DPY19L1: variants seen among roughly 807,000 people sequenced by gnomAD.
DPY19L1 encodes the protein dpy-19 like C-mannosyltransferase 1, also known as protein C-mannosyl-transferase DPY19L1.
DPY19L1 carries 35 observed loss-of-function variants against 96.9 expected under a neutral mutation model. The observed-to-expected ratio is 0.36, with a 90% CI of 0.28 to 0.48. The LOEUF is 0.48. DPY19L1 is among the 20% of genes least tolerant of loss of function. The probability of loss-of-function intolerance (pLI) is 0.99; values close to 1 mark genes in which losing one functional copy is unlikely to be tolerated. For synonymous variants in DPY19L1, 205 were observed against 252.6 expected, an observed-to-expected ratio of 0.81 and a Z score of 1.79; for missense variants, 521 against 777.9, an observed-to-expected ratio of 0.67 and a Z score of 3.93.
intron 10 of DPY19L1, among the ~76,000 whole-genome samples, chr7:34,965,092 G>C (rs1161890675): frequency 6.6e-6 from 1 of 152,128 alleles, no homozygotes; most frequent in Non-Finnish European, 1.5e-5. Context: ...TATTTATAAA[G>C]TTGAACATGT....
intron 6 of DPY19L1, among the ~76,000 whole-genome samples, chr7:35,003,729 T>C (rs1409393037): frequency 3.3e-5 from 5 of 152,194 alleles, no homozygotes; most frequent in African/African-American, 1.2e-4. Context: ...TGAAAACCTA[T>C]ATGGGATTTC....
chr7:34,945,100 T>C (rs1784114663), intron 16 of DPY19L1, among the ~76,000 whole-genome samples: 1 of 152,092 alleles, frequency 6.6e-6, no homozygotes, highest in African/African-American at 2.4e-5. Context: ...GAGATACGGG[T>C]CACACATCAA....
chr7:34,977,723 T>A (rs1784858546), intron 7 of DPY19L1, among the ~76,000 whole-genome samples: 1 of 152,178 alleles, frequency 6.6e-6, no homozygotes, highest in Non-Finnish European at 1.5e-5. Context: ...ATTTTAAATG[T>A]AAAATAAAAA....
chr7:35,025,353 T>A (rs191689628), intron 1 of DPY19L1, among the ~76,000 whole-genome samples: 60 of 152,182 alleles, frequency 3.9e-4, no homozygotes, highest in Admixed American at 7.2e-4. Flanking sequence ...AGATAAAATC[T>A]TTGAGAGATA....
intron 17 of DPY19L1, among the ~76,000 whole-genome samples, chr7:34,942,389 A>G (rs1341757574): frequency 6.6e-6 from 1 of 152,228 alleles, no homozygotes; most frequent in Admixed American, 6.5e-5. Flanking sequence ...ATCAACTGCC[A>G]TTAGTGTAAA....
At chr7:34,947,537 G>T in intron 15 of DPY19L1, 93 bp downstream of exon 15, 1 of 994,508 alleles carries the variant, frequency 1.0e-6, no homozygotes, top group Non-Finnish European at 1.5e-6. Flanking sequence ...ACAAAACGTT[G>T]TATCAGATAA....
At chr7:34,994,822 A>T (rs1785248611) in intron 6 of DPY19L1, among the ~76,000 whole-genome samples, 1 of 151,464 alleles carries the variant, frequency 6.6e-6, no homozygotes, top group African/African-American at 2.4e-5. Flanking sequence ...AAAAAAATCC[A>T]ATTCCCCGAC....
intron 6 of DPY19L1, among the ~76,000 whole-genome samples, chr7:34,995,724 C>T (rs1158371959): frequency 6.6e-6 from 1 of 151,976 alleles, no homozygotes; most frequent in Non-Finnish European, 1.5e-5. Context: ...TATTAAATAA[C>T]TCTTACGATT....
rs1786444509 is a variant in DPY19L1 at position 35,037,189 on chromosome 7, CCCCCGGCGGG to C, written c.196_205del (p.Pro66AlafsTer31). 6.9e-6 allele frequency: 1 copy of C among 145,326 alleles called. No homozygotes were observed. The highest frequency in any genetic ancestry group is 2.5e-5 in the African/African-American group (1 of 40,254). The allele number at this position is 145,326 out of a possible 1,614,324, so 9.0% of individuals were successfully genotyped here. A position where few individuals can be genotyped will look rare whatever the true frequency, so the allele number is the denominator to read the frequency against. ...GGCGGCCAGGCGCCCCCCAAGGCCG[CCCCCGGCGGG>C]CGGCGCGCCGGGCTCGGCGCGGGGC... On this transcript the variant is annotated frameshift_variant, in exon 1 of 22. Transcript: ENST00000638088. LOFTEE classifies it high-confidence loss of function.
chr7:35,010,511 C>A lies in DPY19L1; in HGVS notation c.721G>T (p.Gly241Ter), dbSNP rs1209694227. The A allele has an allele frequency of 6.2e-7, 1 of 1,608,302 alleles. No homozygotes were observed. The highest frequency in any genetic ancestry group is 1.1e-5 in the South Asian group (1 of 90,434). Reference protein sequence around the residue: ...FYVAVIFILNGLMMALFFIYG... With the variant: ...FYVAVIFILN The stretch of plus-strand genomic sequence containing the variant: ...ATGAAGAATAATGCCATCATTAGTC[C>A]ATTTAAAATAAAAATTACAGCAACA... The change falls in exon 6 of 22, where the codon GGA becomes TGA. Residue 241 changes from glycine (G) to a stop codon, truncating the protein, a stop_gained. Coordinates refer to ENST00000638088, the MANE Select transcript of DPY19L1 (RefSeq NM_001366673.1). LOFTEE classifies it high-confidence loss of function.
At chr7:34,937,280 C>T (rs1253001068) in intron 21 of DPY19L1, among the ~76,000 whole-genome samples, 2 of 152,192 alleles carry the variant, frequency 1.3e-5, no homozygotes, top group African/African-American at 4.8e-5. Flanking sequence ...TGTGAAACAC[C>T]AGGAAAGAAA....
At chr7:34,938,504 G>C (rs114266063) in intron 20 of DPY19L1, among the ~76,000 whole-genome samples, 36 of 152,250 alleles carry the variant, frequency 2.4e-4, no homozygotes, top group African/African-American at 8.2e-4. Context: ...TCCCAACTTA[G>C]ACATCAACAA....
chr7:35,011,187 A>T (rs544276568), intron 5 of DPY19L1, 143 bp downstream of exon 5: 1 of 952,296 alleles, frequency 1.1e-6, no homozygotes, highest in South Asian at 1.7e-5. Context: ...AAGCCTGCCC[A>T]AATTCTGGAC....
intron 7 of DPY19L1, among the ~76,000 whole-genome samples, chr7:34,977,955 A>G (rs1003888696): frequency 2.0e-5 from 3 of 152,124 alleles, no homozygotes; most frequent in Non-Finnish European, 2.9e-5. Context: ...CATAACACTG[A>G]TTATACTGCA....
chr7:35,024,252 CT>C (rs1348123909), intron 1 of DPY19L1, among the ~76,000 whole-genome samples: 1 of 152,178 alleles, frequency 6.6e-6, no homozygotes, highest in Non-Finnish European at 1.5e-5. Context: ...ACGCTAAAGA[CT>C]TTTGGCATTA....
chr7:34,962,314 T>G (rs1478665762), intron 10 of DPY19L1, among the ~76,000 whole-genome samples: 1 of 152,216 alleles, frequency 6.6e-6, no homozygotes, highest in Non-Finnish European at 1.5e-5. Context: ...GGAAACTTAT[T>G]TGCTTTTTAC....
chr7:35,011,301 A>C (rs933978535), intron 5 of DPY19L1, 29 bp downstream of exon 5: 11 of 1,608,072 alleles, frequency 6.8e-6, no homozygotes, highest in Non-Finnish European at 9.3e-6. Context: ...ACAACAGATA[A>C]CTGGACAATA....
intron 6 of DPY19L1, among the ~76,000 whole-genome samples, chr7:34,993,904 C>T (rs1347807665): frequency 1.5e-5 from 2 of 134,146 alleles, no homozygotes; most frequent in African/African-American, 2.8e-5. Flanking sequence ...TACGAAAATA[C>T]AAAAAAAAAA....
At chr7:35,001,314 T>C (rs1785422098) in intron 6 of DPY19L1, among the ~76,000 whole-genome samples, 1 of 152,264 alleles carries the variant, frequency 6.6e-6, no homozygotes, top group Non-Finnish European at 1.5e-5. Flanking sequence ...ATGTTTTTAT[T>C]GTGCCTTTCA....
Sources: gnomAD v4.1 joint callset for allele counts (sites outside exome capture counted in the v4.1 genomes callset) on GRCh38, gnomAD v4.1.1 for gene constraint, MANE v1.5 for transcripts, NCBI Gene and HGNC (gene_info 2026-07-23, HGNC 2026-07-21) for gene names.